The following NFATC2 variants were observed in gnomAD, a reference collection of about 807,000 sequenced individuals.
NFATC2 encodes nuclear factor of activated T-cells, cytoplasmic 2.
Under a neutral mutation model 87.3 loss-of-function variants are expected in NFATC2, and 22 were observed. The observed-to-expected ratio is 0.25, with a 90% CI of 0.18 to 0.36. NFATC2 has a LOEUF of 0.36. Among genes scored for constraint, NFATC2 ranks in the 10% least tolerant of loss-of-function variants. The pLI is 1.00. For missense variants in NFATC2, 1,149 were observed against 1,259.1 expected, an observed-to-expected ratio of 0.91 and a Z score of 1.32; for synonymous variants, 565 against 542.2, an observed-to-expected ratio of 1.04 and a Z score of -0.58.
intron 9 of NFATC2, among the ~76,000 whole-genome samples, chr20:51,423,369 C>G (rs1169820699): frequency 1.3e-5 from 2 of 151,828 alleles, no homozygotes; most frequent in Admixed American, 1.3e-4. Context: ...AGTTTCCAGC[C>G]CCACAAGTTA....
chr20:51,446,830 C>G (rs1330242565), intron 6 of NFATC2, among the ~76,000 whole-genome samples: 2 of 152,222 alleles, frequency 1.3e-5, no homozygotes, highest in Non-Finnish European at 2.9e-5. Context: ...CCCGGGGGGC[C>G]ACTGACACCA....
rs1568912208 is a variant in NFATC2, at chr20:51,390,095, C to CGG, written c.*1400_*1401insCC. Reference sequence around the variant, plus strand: ...ACCCACAGAGGAAGACTAGGGGAGACTGGGTGCGCTCAGTGGAAACAGTTG... The same window carrying CGG: ...ACCCACAGAGGAAGACTAGGGGAGACGGTGGGTGCGCTCAGTGGAAACAGTTG... On this transcript the variant is annotated 3_prime_UTR_variant, in exon 11 of 11. Transcript: ENST00000371564. The CGG allele has an allele frequency of 6.6e-6, 1 of 151,828 alleles. No homozygotes were observed. Among genetic ancestry groups the CGG allele is most frequent in the Non-Finnish European group, 1.5e-5 (1 of 67,966 alleles). The allele number at this position is 151,828 out of a possible 1,614,324, so 9.4% of individuals were successfully genotyped here. A position where few individuals can be genotyped will look rare whatever the true frequency, so the allele number is the denominator to read the frequency against.
chr20:51,465,143 T>C (rs1011993678), intron 5 of NFATC2, among the ~76,000 whole-genome samples: 2 of 152,168 alleles, frequency 1.3e-5, no homozygotes, highest in Non-Finnish European at 2.9e-5. Context: ...ATCCCAGCAC[T>C]TTGGGAGGCC....
At chr20:51,402,253 C>A (rs1988123097) in intron 9 of NFATC2, among the ~76,000 whole-genome samples, 1 of 152,176 alleles carries the variant, frequency 6.6e-6, no homozygotes, top group African/African-American at 2.4e-5. Context: ...CATTTCTATT[C>A]TCCAATTCAG....
chr20:51,492,646 G>GCTCCCA (rs2075914364), intron 3 of NFATC2, among the ~76,000 whole-genome samples: 1 of 152,180 alleles, frequency 6.6e-6, no homozygotes, highest in Non-Finnish European at 1.5e-5. Flanking sequence ...GCCCGGGCCC[G>GCTCCCA]CTCCCACTCC....
At chr20:51,395,454 C>T (rs1045371749) in intron 10 of NFATC2, among the ~76,000 whole-genome samples, 8 of 150,694 alleles carry the variant, frequency 5.3e-5, no homozygotes, top group South Asian at 2.1e-4. Flanking sequence ...AGAGAGAGGC[C>T]GTGTGACAAA....
chr20:51,551,568 ATT>A (rs528455167), intron 1 of NFATC2, among the ~76,000 whole-genome samples: 3 of 103,720 alleles, frequency 2.9e-5, no homozygotes, highest in African/African-American at 3.6e-5. Flanking sequence ...ATGCCCTGCT[ATT>A]TTTTTTTTTT....
chr20:51,397,076 A>G (rs1175401682), intron 10 of NFATC2, among the ~76,000 whole-genome samples: 2 of 152,068 alleles, frequency 1.3e-5, no homozygotes, highest in Non-Finnish European at 1.5e-5. Context: ...TATTTTTAGT[A>G]GTGACGGGGT....
Position 51,412,695 on chromosome 20 carries a change from C to A in NFATC2, c.2723-13965G>T, listed in dbSNP as rs528460011. On this transcript the variant is annotated intron_variant, in intron 9 of 10. Coordinates refer to ENST00000371564, the MANE Select transcript of NFATC2 (RefSeq NM_012340.5). ...ATGCCCGATTCCTGGGCGTCCCCGGCCACCTCATACTCTCTGCCAGCTGGG... is the reference window on the plus strand; with the variant it reads ...ATGCCCGATTCCTGGGCGTCCCCGGACACCTCATACTCTCTGCCAGCTGGG... 3.3e-4 allele frequency among the ~76,000 whole-genome samples: 50 copies of A among 152,206 alleles called. No homozygotes were observed. In the South Asian group the frequency reaches 9.9e-3, roughly 30 times the overall value.
In NFATC2 at chr20:51,554,900, GGCTGACAA is replaced by G. The variant is rs375643435; in HGVS notation, c.70+7652_70+7659del. Among the ~76,000 whole-genome samples the G allele has an allele frequency of 2.2e-3, 331 of 152,292 alleles. 4 individuals carry two copies. The highest frequency in any genetic ancestry group is 7.7e-3 in the African/African-American group (319 of 41,554). On this transcript the variant is annotated intron_variant, in intron 1 of 10. Transcript: ENST00000414705. ...GAGCTGACGAGGGGAATCCAGGCGG[GGCTGACAA>G]GAAAGCACATCTGAAGTGGTTCGAA... is the stretch of plus-strand genomic sequence containing the variant.
At chr20:51,433,478 A>G (rs908419579) in intron 8 of NFATC2, among the ~76,000 whole-genome samples, 4 of 152,288 alleles carry the variant, frequency 2.6e-5, no homozygotes, top group East Asian at 1.9e-4. Context: ...CACTGAGTAC[A>G]GTGGCTGGCA....
chr20:51,475,411 G>A (rs1450378557), intron 4 of NFATC2, 47 bp downstream of exon 4: 2 of 1,595,608 alleles, frequency 1.3e-6, no homozygotes, highest in Non-Finnish European at 1.7e-6. Flanking sequence ...CCTGCCCCCT[G>A]CTCGCTTCTC....
intron 9 of NFATC2, among the ~76,000 whole-genome samples, chr20:51,404,025 C>G (rs114182911): frequency 6.6e-6 from 1 of 152,308 alleles, no homozygotes; most frequent in East Asian, 1.9e-4. Flanking sequence ...ATGGCTGGTC[C>G]GTGGCAGGGG....
rs2146538158 is a variant in NFATC2 at position 51,480,743 on chromosome 20, G to A, written c.1333-5083C>T. On this transcript the variant is annotated intron_variant, in intron 3 of 10. Transcript: ENST00000371564. This position sits in a 1 kb window ranked among gnomAD's most constrained non-coding sequence, Gnocchi z 4.2. Reference sequence around the variant, plus strand: ...AGGAGACATCACCCCCCACCCTGCAGGCCTCTTCTGAAAGGCGAAATAAGG... The same window carrying A: ...AGGAGACATCACCCCCCACCCTGCAAGCCTCTTCTGAAAGGCGAAATAAGG... Among the ~76,000 whole-genome samples the A allele has an allele frequency of 6.6e-6, 1 of 152,334 alleles. No homozygotes were observed. The highest frequency in any genetic ancestry group is 1.5e-5 in the Non-Finnish European group (1 of 68,032).
chr20:51,509,654 C>T (rs541286028), intron 3 of NFATC2, among the ~76,000 whole-genome samples: 8 of 152,356 alleles, frequency 5.3e-5, no homozygotes, highest in Middle Eastern at 3.4e-3. Flanking sequence ...GAAGCTAACA[C>T]ACCCAGCCAA....
intron 6 of NFATC2, among the ~76,000 whole-genome samples, chr20:51,448,251 C>T (rs1332409944): frequency 6.6e-6 from 1 of 152,082 alleles, no homozygotes; most frequent in African/African-American, 2.4e-5. Flanking sequence ...GTCTGGGAAG[C>T]GGGACAACTT....
intron 3 of NFATC2, 51 bp downstream of exon 3, chr20:51,516,733 T>C (rs749963974): frequency 1.6e-5 from 24 of 1,537,290 alleles, no homozygotes; most frequent in Non-Finnish European, 4.4e-6. Context: ...CAGAAGTGAA[T>C]CTCTTAGTGA....
At chr20:51,547,216 A>G (rs906896618), upstream of NFATC2, among the ~76,000 whole-genome samples, 18 of 152,306 alleles carry the variant, frequency 1.2e-4, no homozygotes, top group Admixed American at 9.8e-4. Flanking sequence ...ATAGCCGTCC[A>G]GGAAAGAGAT....
At chr20:51,452,197 A>G (rs1225440719) in intron 6 of NFATC2, among the ~76,000 whole-genome samples, 2 of 152,080 alleles carry the variant, frequency 1.3e-5, no homozygotes, top group African/African-American at 4.8e-5. Context: ...AAATCACCAG[A>G]GGCCCCCCAA....
Sources: allele counts gnomAD v4.1 joint callset (sites outside exome capture counted in the v4.1 genomes callset), GRCh38; gene constraint gnomAD v4.1.1; non-coding constraint Gnocchi (gnomAD v3.1); transcripts MANE v1.5; gene names NCBI Gene and HGNC (gene_info 2026-07-23, HGNC 2026-07-21).